FLT1: variants seen among roughly 807,000 people sequenced by gnomAD.
FLT1 encodes the protein vascular endothelial growth factor receptor 1.
In FLT1, 49 loss-of-function variants were observed where a neutral mutation model predicts 156.3. That is an observed-to-expected ratio of 0.31 (90% CI 0.25 to 0.40). FLT1 has a LOEUF of 0.40. Ranked by LOEUF, FLT1 falls within the 10% of genes least tolerant of loss-of-function variation. The pLI is 1.00. For missense variants in FLT1, 1,322 were observed against 1,637.2 expected (o/e 0.81, Z 3.32); for synonymous variants, 594 against 583.8 (o/e 1.02, Z -0.25).
At chr13:28,368,835 G>A (rs1873423941) in intron 14 of FLT1, among the ~76,000 whole-genome samples, 1 of 151,602 alleles carries the variant, frequency 6.6e-6, no homozygotes, top group Admixed American at 6.6e-5. Context: ...CTCCTGAGTA[G>A]CTGGGATTAC....
At chr13:28,486,467 C>CT (rs1881175137) in intron 1 of FLT1, among the ~76,000 whole-genome samples, 1 of 152,276 alleles carries the variant, frequency 6.6e-6, no homozygotes, top group Non-Finnish European at 1.5e-5. Flanking sequence ...TGCAGTCATA[C>CT]TGGAGGAAAC....
At chr13:28,481,494 TAGA>T (rs1323494747) in intron 1 of FLT1, among the ~76,000 whole-genome samples, 3 of 145,956 alleles carry the variant, frequency 2.1e-5, no homozygotes, top group African/African-American at 7.7e-5. Flanking sequence ...TACACGTACT[TAGA>T]AGGTGAACCA....
intron 25 of FLT1, among the ~76,000 whole-genome samples, chr13:28,314,753 G>T (rs550169565): frequency 3.3e-5 from 5 of 152,346 alleles, no homozygotes; most frequent in Non-Finnish European, 7.3e-5. Context: ...GGAGAAAATG[G>T]CTGAAGGTTT....
intron 1 of FLT1, among the ~76,000 whole-genome samples, chr13:28,481,303 C>T (rs970287389): frequency 6.6e-6 from 1 of 152,112 alleles, no homozygotes; most frequent in Non-Finnish European, 1.5e-5. Flanking sequence ...GTCAGGAGAA[C>T]ATGGCCAGCT....
rs759711912 is a variant in FLT1 at position 28,303,370 on chromosome 13, TAAAG to T, written c.3816-6_3816-3del. On this transcript the variant is annotated splice_polypyrimidine_tract_variant and splice_region_variant and intron_variant, in intron 29 of 29. Transcript: ENST00000282397. ...TTACTTTTACTGGTTACTCTCAAGC[TAAAG>T]AAAGAAAGGAAAGAAATCAAATATT... 3.7e-6 allele frequency: 6 copies of T among 1,612,768 alleles called. No individual in the cohort carries two copies. The highest frequency in any genetic ancestry group is 1.6e-4 in the Middle Eastern group (1 of 6,084).
intron 1 of FLT1, among the ~76,000 whole-genome samples, chr13:28,472,464 G>C (rs1197225568): frequency 1.3e-5 from 2 of 152,168 alleles, no homozygotes; most frequent in Non-Finnish European, 2.9e-5. Context: ...TGTAAAGTCT[G>C]TAAAGTCTGA....
chr13:28,405,461 G>A (rs1005889311), intron 11 of FLT1, among the ~76,000 whole-genome samples: 4 of 152,140 alleles, frequency 2.6e-5, no homozygotes, highest in South Asian at 2.1e-4. Context: ...GCTGCACTCC[G>A]GAGATTTGGA....
At chr13:28,349,226 T>C (rs936086883) in intron 15 of FLT1, among the ~76,000 whole-genome samples, 4 of 152,204 alleles carry the variant, frequency 2.6e-5, no homozygotes, top group Admixed American at 6.5e-5. Context: ...AATTGGCTTA[T>C]TTGCTGCTTT....
chr13:28,313,847 T>C (rs1376198070), intron 25 of FLT1, among the ~76,000 whole-genome samples: 1 of 144,628 alleles, frequency 6.9e-6, no homozygotes, highest in East Asian at 2.0e-4. Context: ...TGTTTCAAAG[T>C]ATATGAGGTG....
At chr13:28,347,669 C>T (rs1436024817) in intron 15 of FLT1, among the ~76,000 whole-genome samples, 5 of 152,226 alleles carry the variant, frequency 3.3e-5, no homozygotes, top group Admixed American at 2.6e-4. Flanking sequence ...CCAAGGTTTC[C>T]TGCCCAAATC....
chr13:28,370,056 G>C (rs975401503), intron 14 of FLT1, among the ~76,000 whole-genome samples: 8 of 151,970 alleles, frequency 5.3e-5, no homozygotes, highest in African/African-American at 1.9e-4. Context: ...AAAAAAATTA[G>C]CCCGGCATGG....
intron 15 of FLT1, among the ~76,000 whole-genome samples, chr13:28,354,918 C>G (rs1196216707): frequency 2.0e-5 from 3 of 151,974 alleles, no homozygotes; most frequent in Non-Finnish European, 2.9e-5. Flanking sequence ...ATATGGCTAA[C>G]AGAAAGGTTT....
At chr13:28,389,311 C>T (rs555648791) in intron 13 of FLT1, 23 of 1,208,568 alleles carry the variant, frequency 1.9e-5, no homozygotes, top group African/African-American at 1.6e-4. Context: ...TTAACTTATT[C>T]GTGTCCATCT....
At chr13:28,387,397 C>T (rs185292448) in intron 13 of FLT1, 155 of 1,053,572 alleles carry the variant, frequency 1.5e-4, no homozygotes, top group Admixed American at 3.3e-4. Context: ...AAGGGAGGTG[C>T]GTTGAACCCA....
intron 14 of FLT1, among the ~76,000 whole-genome samples, chr13:28,383,786 T>G (rs1377193492): frequency 6.6e-6 from 1 of 151,602 alleles, no homozygotes; most frequent in Non-Finnish European, 1.5e-5. Flanking sequence ...CTGAGTGAGA[T>G]CGTGCCACTG....
intron 11 of FLT1, among the ~76,000 whole-genome samples, chr13:28,402,892 C>T (rs767425757): frequency 1.2e-4 from 19 of 152,194 alleles, no homozygotes; most frequent in Non-Finnish European, 2.2e-4. Context: ...TGAGTTCAAG[C>T]GATTCTTGTG....
At chr13:28,418,850 G>T (rs958667943) in intron 10 of FLT1, among the ~76,000 whole-genome samples, 1 of 152,056 alleles carries the variant, frequency 6.6e-6, no homozygotes, top group Non-Finnish European at 1.5e-5. Context: ...TGGGATTATA[G>T]TCATGAGCCA....
At chr13:28,333,988 G>T in intron 18 of FLT1, 37 bp downstream of exon 18, 2 of 1,244,342 alleles carry the variant, frequency 1.6e-6, no homozygotes, top group Non-Finnish European at 2.4e-6. Flanking sequence ...GCAAAATGGT[G>T]ATGGGTCAGT....
At chr13:28,443,421 A>G (rs1555241313) in intron 3 of FLT1, among the ~76,000 whole-genome samples, 1 of 152,188 alleles carries the variant, frequency 6.6e-6, no homozygotes, top group Non-Finnish European at 1.5e-5. Flanking sequence ...ATCACCTGGG[A>G]GCTCTGCTGT....
Sources: allele counts gnomAD v4.1 joint callset (sites outside exome capture counted in the v4.1 genomes callset), GRCh38; gene constraint gnomAD v4.1.1; transcripts MANE v1.5; gene names NCBI Gene and HGNC (gene_info 2026-07-23, HGNC 2026-07-21).